Variants in TLN2 observed in about 807,000 individuals in gnomAD.
TLN2 encodes talin 2.
Under a neutral mutation model 294.7 loss-of-function variants are expected in TLN2, and 118 were observed. That is an observed-to-expected ratio of 0.40 (90% CI 0.34 to 0.47). TLN2 has a LOEUF of 0.47. TLN2 is among the 20% of genes least tolerant of loss of function. The probability of loss-of-function intolerance (pLI) is 0.84; values close to 1 mark genes in which losing one functional copy is unlikely to be tolerated. For synonymous variants in TLN2, 1,431 were observed against 1,304.5 expected (o/e 1.10, Z -2.09); for missense variants, 3,083 against 3,282.2 (o/e 0.94, Z 1.48).
intron 1 of TLN2, among the ~76,000 whole-genome samples, chr15:62,577,397 T>A (rs1410141897): frequency 1.3e-5 from 2 of 152,220 alleles, no homozygotes; most frequent in African/African-American, 4.8e-5. Context: ...TGAGCCGAGA[T>A]CGCGTCATTG....
chr15:62,543,538 A>C (rs1176924191), intron 1 of TLN2, among the ~76,000 whole-genome samples: 1 of 152,144 alleles, frequency 6.6e-6, no homozygotes, highest in East Asian at 1.9e-4. Context: ...TGGGTGGATC[A>C]CAAGGTCAAG....
rs56258541 is a variant in TLN2 at position 62,673,310 on chromosome 15, CTTTT to C, written c.789-502_789-499del. On this transcript the variant is annotated intron_variant, in intron 9 of 58. Transcript: ENST00000636159. ...GTTTGCTTTAGATTTTTAGATGTTG[CTTTT>C]TTTTTTTTTTTTTTGCAATTTCATG... Among the ~76,000 whole-genome samples the C allele has an allele frequency of 4.9e-4, 21 of 42,898 alleles. 3 individuals are homozygous for C. Among genetic ancestry groups the C allele is most frequent in the South Asian group, 3.2e-3 (2 of 632 alleles). The allele number at this position is 42,898 out of a possible 152,430, so 28.1% of individuals were successfully genotyped here. A position where few individuals can be genotyped will look rare whatever the true frequency, so the allele number is the denominator to read the frequency against.
chr15:62,403,716 A>G (rs936109332), intron 1 of TLN2, among the ~76,000 whole-genome samples: 6 of 152,072 alleles, frequency 3.9e-5, no homozygotes, highest in African/African-American at 1.2e-4. Flanking sequence ...CTCCAGCTCC[A>G]TGCTTCTTGC....
chr15:62,744,087 T>C (rs971371723), intron 32 of TLN2, among the ~76,000 whole-genome samples: 1 of 152,204 alleles, frequency 6.6e-6, no homozygotes, highest in Non-Finnish European at 1.5e-5. Context: ...GAATGTTTCC[T>C]TCCCTCCATC....
At chr15:62,551,837 GC>G (rs2042331431) in intron 1 of TLN2, among the ~76,000 whole-genome samples, 1 of 152,148 alleles carries the variant, frequency 6.6e-6, no homozygotes, top group African/African-American at 2.4e-5. Context: ...GTCTTACATT[GC>G]ATTGAATTCA....
chr15:62,561,667 T>C (rs1310225882), intron 1 of TLN2, among the ~76,000 whole-genome samples: 7 of 152,118 alleles, frequency 4.6e-5, no homozygotes, highest in South Asian at 2.1e-4. Flanking sequence ...CTCTCTCTCT[T>C]TTTTTTTCCG....
chr15:62,512,397 C>G (rs887363460), intron 1 of TLN2, among the ~76,000 whole-genome samples: 2 of 152,052 alleles, frequency 1.3e-5, no homozygotes, highest in Non-Finnish European at 2.9e-5. Flanking sequence ...AACCTTTCCC[C>G]CATTCTGGAT....
At chr15:62,599,332 C>A (rs771932703) in intron 2 of TLN2, among the ~76,000 whole-genome samples, 2 of 152,102 alleles carry the variant, frequency 1.3e-5, no homozygotes, top group African/African-American at 4.8e-5. Flanking sequence ...GATAAGCAGT[C>A]CGAGGTTACC....
intron 12 of TLN2, among the ~76,000 whole-genome samples, chr15:62,689,866 T>C (rs2057636122): frequency 1.2e-5 from 1 of 83,928 alleles, no homozygotes; most frequent in African/African-American, 3.4e-5. Context: ...TTTTTTTTTT[T>C]TTTTTTTTTT....
At chr15:62,782,298 C>T (rs2064245857) in intron 44 of TLN2, among the ~76,000 whole-genome samples, 1 of 152,224 alleles carries the variant, frequency 6.6e-6, no homozygotes, top group Non-Finnish European at 1.5e-5. Context: ...GGGAATGGTA[C>T]ACCCATCTCA....
intron 55 of TLN2, chr15:62,834,539 G>C (rs1228378227): frequency 6.6e-6 from 1 of 152,178 alleles, no homozygotes; most frequent in Non-Finnish European, 1.5e-5. Context: ...GAAGTCTTTT[G>C]TGAGCTTAGC....
intron 1 of TLN2, among the ~76,000 whole-genome samples, chr15:62,523,743 A>G (rs899198199): frequency 3.9e-5 from 6 of 152,278 alleles, no homozygotes; most frequent in Admixed American, 2.6e-4. Context: ...AACGTGGTAC[A>G]TTTATGAAAA....
chr15:62,733,763 A>G (rs1341986189), intron 28 of TLN2: 2 of 152,254 alleles, frequency 1.3e-5, no homozygotes, highest in South Asian at 4.1e-4. Context: ...TGGCAAGAAT[A>G]CTGTGAAAGT....
chr15:62,777,623 C>T (rs1212199972), intron 43 of TLN2, among the ~76,000 whole-genome samples: 1 of 151,888 alleles, frequency 6.6e-6, no homozygotes, highest in East Asian at 1.9e-4. Flanking sequence ...TCCAAGGCTC[C>T]ACCCCCAACC....
At chr15:62,530,183 T>C (rs1056571219) in intron 1 of TLN2, among the ~76,000 whole-genome samples, 1 of 152,182 alleles carries the variant, frequency 6.6e-6, no homozygotes, top group African/African-American at 2.4e-5. Context: ...AGAGCGAGAC[T>C]CTGTCTCAAA....
At chr15:62,531,526 T>C (rs2041043074) in intron 1 of TLN2, among the ~76,000 whole-genome samples, 1 of 152,204 alleles carries the variant, frequency 6.6e-6, no homozygotes, top group Non-Finnish European at 1.5e-5. Flanking sequence ...AAGAATGTAT[T>C]GGATGTTTCA....
chr15:62,397,409 C>T (rs2032639342), intron 1 of TLN2, among the ~76,000 whole-genome samples: 1 of 152,110 alleles, frequency 6.6e-6, no homozygotes, highest in Non-Finnish European at 1.5e-5. Flanking sequence ...AGGAACTTGC[C>T]ACCATACCTG....
intron 1 of TLN2, among the ~76,000 whole-genome samples, chr15:62,562,941 C>T (rs28778281): frequency 3.3e-5 from 5 of 149,324 alleles, no homozygotes; most frequent in Non-Finnish European, 4.5e-5. Context: ...CACACACACA[C>T]ACACACACAC....
chr15:62,481,046 C>A (rs2038060294), intron 1 of TLN2, among the ~76,000 whole-genome samples: 1 of 152,160 alleles, frequency 6.6e-6, no homozygotes, highest in South Asian at 2.1e-4. Context: ...TTCCAACGAA[C>A]TAGTCCATTT....
Sources: allele counts gnomAD v4.1 joint callset (sites outside exome capture counted in the v4.1 genomes callset), GRCh38; gene constraint gnomAD v4.1.1; transcripts MANE v1.5; gene names NCBI Gene and HGNC (gene_info 2026-07-23, HGNC 2026-07-21).